The following PRDM5 variants were observed in gnomAD, a reference collection of about 807,000 sequenced individuals.
The protein encoded by PRDM5 is PR domain zinc finger protein 5.
In PRDM5, 56 loss-of-function variants were observed where a neutral mutation model predicts 81.2. The observed-to-expected ratio is 0.69, with a 90% confidence interval of 0.56 to 0.86. PRDM5 has a LOEUF of 0.86. Ranked by LOEUF, PRDM5 falls within the 40% of genes least tolerant of loss-of-function variation. PRDM5 has a pLI of 0.00. For missense variants in PRDM5, 697 were observed against 770.1 expected, an observed-to-expected ratio of 0.91 and a Z score of 1.12; for synonymous variants, 267 against 256.4, an observed-to-expected ratio of 1.04 and a Z score of -0.39.
At chr4:120,716,113 T>C (rs1489524460) in intron 14 of PRDM5, among the ~76,000 whole-genome samples, 2 of 152,162 alleles carry the variant, frequency 1.3e-5, no homozygotes, top group Non-Finnish European at 2.9e-5. Flanking sequence ...CTGAATAATG[T>C]CTTATATACT....
At chr4:120,746,736 A>G (rs1743133322) in intron 14 of PRDM5, among the ~76,000 whole-genome samples, 1 of 146,744 alleles carries the variant, frequency 6.8e-6, no homozygotes, top group Admixed American at 7.0e-5. Context: ...ACAATGAGAT[A>G]CCATCTCACA....
intron 14 of PRDM5, among the ~76,000 whole-genome samples, chr4:120,730,009 T>A (rs1383588268): frequency 6.6e-6 from 1 of 152,246 alleles, no homozygotes; most frequent in Non-Finnish European, 1.5e-5. Context: ...AGTTTTCTTA[T>A]GATTTTTCTA....
At chr4:120,760,499 T>C (rs1010071459) in intron 13 of PRDM5, among the ~76,000 whole-genome samples, 1 of 152,166 alleles carries the variant, frequency 6.6e-6, no homozygotes, top group African/African-American at 2.4e-5. Flanking sequence ...CACAGCAGCA[T>C]AAATAATAAT....
chr4:120,869,994 G>A (rs546696512), intron 2 of PRDM5, among the ~76,000 whole-genome samples: 2 of 152,078 alleles, frequency 1.3e-5, no homozygotes, highest in South Asian at 2.1e-4. Flanking sequence ...GAAAAAAAAA[G>A]AGGAGGAAGT....
rs1170050475 is a variant in PRDM5 at position 120,904,189 on chromosome 4, C to CAAAA, written c.177+3281_177+3284dup. ...TGGGTGACAGAGGGAGACTCCTTCT[C>CAAAA]AAAAAAAAAAAAAAAACAAAAAAAC... On this transcript the variant is annotated intron_variant, in intron 2 of 15. Coordinates refer to ENST00000264808, the MANE Select transcript of PRDM5 (RefSeq NM_018699.4). 3.3e-4 allele frequency among the ~76,000 whole-genome samples: 14 copies of CAAAA among 42,574 alleles called. 5 individuals carry two copies. The highest frequency in any genetic ancestry group is 9.1e-4 in the East Asian group (1 of 1,094). 27.9% of individuals were successfully genotyped at this position (42,574 alleles called of 152,430 possible).
intron 13 of PRDM5, among the ~76,000 whole-genome samples, chr4:120,761,716 C>T (rs1745640621): frequency 6.6e-6 from 1 of 152,078 alleles, no homozygotes; most frequent in Non-Finnish European, 1.5e-5. Flanking sequence ...GTTTACAATA[C>T]ATGAAATTAA....
At chr4:120,795,549 A>G (rs1161602484) in intron 10 of PRDM5, among the ~76,000 whole-genome samples, 1 of 151,994 alleles carries the variant, frequency 6.6e-6, no homozygotes, top group East Asian at 1.9e-4. Flanking sequence ...GAACCCATAT[A>G]ACTGGCAAGA....
chr4:120,821,788 G>A (rs1356282933), intron 3 of PRDM5, among the ~76,000 whole-genome samples: 2 of 150,194 alleles, frequency 1.3e-5, no homozygotes, highest in Admixed American at 6.6e-5. Context: ...ACCAGAGGAA[G>A]TGCAAATAAG....
intron 7 of PRDM5, among the ~76,000 whole-genome samples, chr4:120,815,038 C>T (rs1754306494): frequency 6.6e-6 from 1 of 152,170 alleles, no homozygotes; most frequent in African/African-American, 2.4e-5. Context: ...AGACAACATG[C>T]CCAGTAATAA....
intron 10 of PRDM5, among the ~76,000 whole-genome samples, chr4:120,796,651 T>C (rs1444300798): frequency 6.6e-6 from 1 of 152,144 alleles, no homozygotes; most frequent in Non-Finnish European, 1.5e-5. Context: ...GAGGTAAACA[T>C]AAAGATGGTA....
intron 3 of PRDM5, among the ~76,000 whole-genome samples, chr4:120,843,886 C>T (rs1210513869): frequency 1.3e-5 from 2 of 152,090 alleles, no homozygotes; most frequent in Non-Finnish European, 2.9e-5. Context: ...CCCCACAGGG[C>T]ATTTCTTGTG....
intron 14 of PRDM5, among the ~76,000 whole-genome samples, chr4:120,736,395 C>G (rs1340576932): frequency 6.6e-6 from 1 of 152,082 alleles, no homozygotes; most frequent in Admixed American, 6.6e-5. Flanking sequence ...AGTGGGCTTG[C>G]TGGATCAAAC....
rs186203152 is a variant in PRDM5, at chr4:120,799,810, G to A, written c.946-65C>T. On this transcript the variant is annotated intron_variant, in intron 8 of 15. Coordinates refer to ENST00000264808, the MANE Select transcript of PRDM5 (RefSeq NM_018699.4). ...GCCTAGTAAATTACACAGCTCTCAA[G>A]CAAAAGTGTAAACATGTGAACAGCT... 9 of 1,574,292 alleles carry A rather than the reference G, an allele frequency of 5.7e-6. No homozygotes were observed. In the Admixed American group the frequency reaches 1.3e-4, roughly 22 times the overall value.
At chr4:120,755,495 G>T (rs1578607665) in intron 13 of PRDM5, among the ~76,000 whole-genome samples, 1 of 152,314 alleles carries the variant, frequency 6.6e-6, no homozygotes, top group South Asian at 2.1e-4. Flanking sequence ...TTCAGCTAAT[G>T]TAAAACTTTT....
At chr4:120,710,059 A>G (rs1282791717) in intron 15 of PRDM5, among the ~76,000 whole-genome samples, 1 of 152,216 alleles carries the variant, frequency 6.6e-6, no homozygotes, top group Non-Finnish European at 1.5e-5. Flanking sequence ...AAAACAGGGT[A>G]CAAGCATGTC....
At chr4:120,859,172 T>A (rs1230679544) in intron 2 of PRDM5, among the ~76,000 whole-genome samples, 1 of 152,068 alleles carries the variant, frequency 6.6e-6, no homozygotes, top group Non-Finnish European at 1.5e-5. Flanking sequence ...ACATTCTGCT[T>A]TCAATGGCAC....
chr4:120,897,254 A>T (rs535172398), intron 2 of PRDM5, among the ~76,000 whole-genome samples: 3 of 152,264 alleles, frequency 2.0e-5, no homozygotes, highest in Non-Finnish European at 4.4e-5. Flanking sequence ...TGGATAAAGC[A>T]TTCTAGATTG....
At chr4:120,786,644 GA>G (rs1749802595) in intron 10 of PRDM5, among the ~76,000 whole-genome samples, 2 of 152,122 alleles carry the variant, frequency 1.3e-5, no homozygotes, top group Admixed American at 1.3e-4. Flanking sequence ...TGTACTAGAA[GA>G]AAATCCGAGT....
rs539391574 is a variant in PRDM5 at position 120,855,740 on chromosome 4, T to C, written c.178-2200A>G. ...AGCAGGTGGCAATGCCACCTAATAC[T>C]TGAAAGAAAAATTTTCTCAGTAGAA... On this transcript the variant is annotated intron_variant, in intron 2 of 15. Coordinates refer to ENST00000264808, the MANE Select transcript of PRDM5 (RefSeq NM_018699.4). Among the ~76,000 whole-genome samples the C allele has an allele frequency of 6.6e-5, 10 of 152,326 alleles. No homozygotes were observed. The South Asian group carries it at 1.9e-3, about 28-fold the overall frequency.
Sources: gnomAD v4.1 joint callset for allele counts (sites outside exome capture counted in the v4.1 genomes callset) on GRCh38, gnomAD v4.1.1 for gene constraint, MANE v1.5 for transcripts, NCBI Gene and HGNC (gene_info 2026-07-23, HGNC 2026-07-21) for gene names.